FGD6: variants seen among roughly 807,000 people sequenced by gnomAD.
FGD6 encodes FYVE, RhoGEF and PH domain-containing protein 6.
A neutral mutation model predicts 149.4 loss-of-function variants in FGD6; 90 were observed. The observed-to-expected ratio is 0.60, with a 90% CI of 0.51 to 0.72. The LOEUF (loss-of-function observed/expected upper bound fraction) is 0.72, where lower values mean the gene tolerates loss of function less well. Ranked by LOEUF, FGD6 falls within the 30% of genes least tolerant of loss-of-function variation. FGD6 has a pLI of 0.00. For missense variants in FGD6, 1,437 were observed against 1,684.8 expected, an observed-to-expected ratio of 0.85 and a Z score of 2.57; for synonymous variants, 527 against 584.0, an observed-to-expected ratio of 0.90 and a Z score of 1.41.
chr12:95,126,664 G>C (rs1416586494), intron 8 of FGD6, among the ~76,000 whole-genome samples: 1 of 151,386 alleles, frequency 6.6e-6, no homozygotes, highest in African/African-American at 2.4e-5. Context: ...CCGGGAGGTG[G>C]AGGTTGTAGT....
chr12:95,212,795 G>A (rs1194655664), intron 1 of FGD6, among the ~76,000 whole-genome samples: 5 of 151,960 alleles, frequency 3.3e-5, no homozygotes, highest in African/African-American at 7.3e-5. Context: ...GCTATTACAC[G>A]GAACTGAGTT....
In FGD6 at chr12:95,210,226, T is replaced by G; in HGVS notation, c.1058A>C (p.Glu353Ala). 1 of 1,614,168 alleles carries G rather than the reference T, an allele frequency of 6.2e-7. No individual in the cohort carries two copies. The highest frequency in any genetic ancestry group is 8.5e-7 in the Non-Finnish European group (1 of 1,180,040). Residue 353 changes from glutamate (E) to alanine (A), a missense_variant, in exon 2 of 21, where the codon GAA becomes GCA. Transcript: ENST00000343958. The stretch of plus-strand genomic sequence containing the variant: ...GATTTTATTGATTTTCAAACTATTT[T>G]CAGTAAGACAGGAAGAGCTACTGTC... ...NSDSSSSCLT[E>A]NSLKINKISV...
intron 8 of FGD6, among the ~76,000 whole-genome samples, chr12:95,127,327 C>T (rs1306640275): frequency 1.3e-5 from 2 of 152,078 alleles, no homozygotes; most frequent in Admixed American, 1.3e-4. Flanking sequence ...AAGTGGATCA[C>T]GAGGTCAGGA....
At chr12:95,145,247 C>A (rs761022529) in intron 5 of FGD6, among the ~76,000 whole-genome samples, 24 of 150,806 alleles carry the variant, frequency 1.6e-4, no homozygotes, top group Non-Finnish European at 3.4e-4. Context: ...TCTCAGCTTC[C>A]CAAAGTGTTG....
At chr12:95,102,108 A>G (rs1156631179) in intron 14 of FGD6, among the ~76,000 whole-genome samples, 1 of 151,572 alleles carries the variant, frequency 6.6e-6, no homozygotes, top group Non-Finnish European at 1.5e-5. Context: ...GGAGTTCAAG[A>G]CCAGCCTGGC....
At chr12:95,179,745 A>G (rs1881226453) in intron 2 of FGD6, among the ~76,000 whole-genome samples, 1 of 152,104 alleles carries the variant, frequency 6.6e-6, no homozygotes, top group Admixed American at 6.5e-5. Context: ...GCCATTAAAA[A>G]AAGACCGGTT....
At chr12:95,102,068 G>A (rs1214907571) in intron 14 of FGD6, among the ~76,000 whole-genome samples, 2 of 66,778 alleles carry the variant, frequency 3.0e-5, no homozygotes, top group Non-Finnish European at 6.0e-5. Flanking sequence ...CACTTTGGGA[G>A]GCTGAGTGGG....
chr12:95,152,495 G>C (rs1019810676), intron 5 of FGD6, among the ~76,000 whole-genome samples: 4 of 152,124 alleles, frequency 2.6e-5, no homozygotes, highest in South Asian at 2.1e-4. Context: ...ATTTAGGTAG[G>C]AGAAAAACAC....
intron 2 of FGD6, among the ~76,000 whole-genome samples, chr12:95,207,115 T>G (rs1315468184): frequency 6.6e-6 from 1 of 151,988 alleles, no homozygotes; most frequent in Non-Finnish European, 1.5e-5. Flanking sequence ...GGGAGGTAAT[T>G]TAATCACGGG....
At chr12:95,135,657 C>T (rs1237421241) in intron 7 of FGD6, among the ~76,000 whole-genome samples, 6 of 152,166 alleles carry the variant, frequency 3.9e-5, no homozygotes, top group African/African-American at 9.7e-5. Context: ...AAAAGAGTCA[C>T]GCTTCTAACA....
chr12:95,186,483 C>A (rs1439632347), intron 2 of FGD6, among the ~76,000 whole-genome samples: 23 of 148,852 alleles, frequency 1.5e-4, no homozygotes, highest in African/African-American at 5.7e-4. Context: ...TAGGCATGAG[C>A]CACTGTGCCC....
intron 13 of FGD6, among the ~76,000 whole-genome samples, chr12:95,106,578 A>G (rs550362656): frequency 5.0e-4 from 76 of 152,050 alleles, no homozygotes; most frequent in African/African-American, 1.8e-3. Context: ...GAGCCACCAC[A>G]CTGACCTTAT....
intron 15 of FGD6, 30 bp downstream of exon 15, chr12:95,094,562 G>GGAA (rs1484373668): frequency 1.0e-5 from 14 of 1,399,182 alleles, no homozygotes; most frequent in Non-Finnish European, 1.3e-5. Flanking sequence ...GAAATGCACT[G>GGAA]GAAAAAAAAA....
At chr12:95,214,955 C>T (rs1035323188) in intron 1 of FGD6, among the ~76,000 whole-genome samples, 39 of 150,772 alleles carry the variant, frequency 2.6e-4, no homozygotes, top group African/African-American at 9.5e-4. Flanking sequence ...CTCCGCCTCG[C>T]TGGCTCAAGC....
chr12:95,209,779 T>A lies in FGD6; in HGVS notation c.1505A>T (p.His502Leu). 6.2e-7 allele frequency: 1 copy of A among 1,612,958 alleles called. No homozygotes were observed. Among genetic ancestry groups the A allele is most frequent in the Non-Finnish European group, 8.5e-7 (1 of 1,179,802 alleles). Residue 502 changes from histidine (H) to leucine (L), a missense_variant, in exon 2 of 21, where the codon CAT becomes CTT. By Grantham distance (99) the His-to-Leu change is moderately conservative. This residue lies in a region of FGD6 where 1,055 missense variants were observed against 1,146.0 expected (regional missense o/e 0.92). Transcript: ENST00000343958. Reference sequence around the variant, plus strand: ...AAGCACTCCTGTAGCAGGCAAGCTATGTCTTTGAGGTTTTTTGGGGACAAT... The same window carrying A: ...AAGCACTCCTGTAGCAGGCAAGCTAAGTCTTTGAGGTTTTTTGGGGACAAT... ...LRIVPKKPQR[H>L]SLPATGVLKK...
At chr12:95,113,121 C>T (rs991561986) in intron 9 of FGD6, among the ~76,000 whole-genome samples, 6 of 152,204 alleles carry the variant, frequency 3.9e-5, no homozygotes, top group Admixed American at 3.3e-4. Context: ...GCAGGGCTGG[C>T]CATGGGTCTC....
At chr12:95,162,382 G>A (rs1416669821) in intron 3 of FGD6, among the ~76,000 whole-genome samples, 1 of 152,086 alleles carries the variant, frequency 6.6e-6, no homozygotes, top group African/African-American at 2.4e-5. Context: ...AACTAGCTGG[G>A]CGCCGACAGT....
chr12:95,200,550 T>C (rs1592874665), intron 2 of FGD6, among the ~76,000 whole-genome samples: 1 of 152,272 alleles, frequency 6.6e-6, no homozygotes, highest in Admixed American at 6.5e-5. Context: ...ACAGCAACCT[T>C]ACTCCAATTC....
chr12:95,121,206 G>A (rs34539435), intron 8 of FGD6, among the ~76,000 whole-genome samples: 10,926 of 151,836 alleles, frequency 0.072, 503 homozygotes, highest in East Asian at 0.15. Context: ...TTGGGAGGCC[G>A]AAGCGGGCAG....
Sources: gnomAD v4.1 joint callset for allele counts (sites outside exome capture counted in the v4.1 genomes callset) on GRCh38, gnomAD v4.1.1 for gene constraint, gnomAD v4.1.1 regional missense constraint, MANE v1.5 for transcripts, NCBI Gene and HGNC (gene_info 2026-07-23, HGNC 2026-07-21) for gene names.